The following ATRNL1 variants were observed in gnomAD, a reference collection of about 807,000 sequenced individuals.
ATRNL1 encodes the protein attractin-like protein 1.
In ATRNL1, 95 loss-of-function variants were observed where a neutral mutation model predicts 182.7. The ratio of observed to expected loss-of-function variants is 0.52; its 90% CI spans 0.44 to 0.62. The LOEUF is 0.62. Among genes scored for constraint, ATRNL1 ranks in the 20% least tolerant of loss-of-function variants. The pLI is 0.00. For missense variants in ATRNL1, 1,471 were observed against 1,679.5 expected, an observed-to-expected ratio of 0.88 and a Z score of 2.17; for synonymous variants, 576 against 568.3, an observed-to-expected ratio of 1.01 and a Z score of -0.19.
chr10:115,447,777 A>C (rs190014824), intron 21 of ATRNL1, among the ~76,000 whole-genome samples: 2 of 152,012 alleles, frequency 1.3e-5, no homozygotes, highest in East Asian at 3.9e-4. Flanking sequence ...GTTCTTTGAG[A>C]TATACAAGTA....
chr10:115,216,736 T>C (rs918147733), intron 9 of ATRNL1, among the ~76,000 whole-genome samples: 9 of 151,982 alleles, frequency 5.9e-5, no homozygotes. Context: ...AGCATTAAGT[T>C]ACTTTATGTG....
At chr10:115,641,909 A>C (rs1859269555) in intron 26 of ATRNL1, among the ~76,000 whole-genome samples, 1 of 151,934 alleles carries the variant, frequency 6.6e-6, no homozygotes, top group African/African-American at 2.4e-5. Context: ...ATCTGATTTC[A>C]TCGTGATTAT....
At chr10:115,292,374 A>T (rs1232927979) in intron 15 of ATRNL1, among the ~76,000 whole-genome samples, 4 of 150,810 alleles carry the variant, frequency 2.7e-5, no homozygotes, top group African/African-American at 9.7e-5. Flanking sequence ...GATTGCCATG[A>T]TCTTTATTTT....
intron 19 of ATRNL1, among the ~76,000 whole-genome samples, chr10:115,367,639 T>C (rs1002684134): frequency 2.7e-5 from 4 of 148,190 alleles, no homozygotes; most frequent in African/African-American, 9.8e-5. Context: ...TTTTTCCCCA[T>C]CTTTGTGGTT....
At chr10:115,291,913 G>A (rs1852932256) in intron 15 of ATRNL1, among the ~76,000 whole-genome samples, 1 of 146,310 alleles carries the variant, frequency 6.8e-6, no homozygotes, top group African/African-American at 2.5e-5. Context: ...TCAGTTCTTT[G>A]AAATAATTTG....
At chr10:115,567,754 G>C in intron 26 of ATRNL1, among the ~76,000 whole-genome samples, 1 of 152,040 alleles carries the variant, frequency 6.6e-6, no homozygotes, top group East Asian at 1.9e-4. Flanking sequence ...CTGCTCATTA[G>C]TGAACAACTA....
At chr10:115,624,745 A>G (rs140042581) in intron 26 of ATRNL1, among the ~76,000 whole-genome samples, 78 of 152,322 alleles carry the variant, frequency 5.1e-4, no homozygotes, top group African/African-American at 1.7e-3. Flanking sequence ...ACACTACTGT[A>G]TGGAGTATAC....
intron 3 of ATRNL1, 47 bp downstream of exon 3, chr10:115,121,859 G>T: frequency 1.1e-6 from 1 of 888,620 alleles, no homozygotes. Context: ...CTGTGTAATT[G>T]CTTCTTTAAA....
chr10:115,544,592 A>G (rs1852540898), intron 25 of ATRNL1, among the ~76,000 whole-genome samples: 1 of 152,158 alleles, frequency 6.6e-6, no homozygotes, highest in Non-Finnish European at 1.5e-5. Context: ...AGGAGAACTC[A>G]CTCACTATTG....
At chr10:115,560,158 CA>C (rs782629837) in intron 26 of ATRNL1, among the ~76,000 whole-genome samples, 2 of 152,068 alleles carry the variant, frequency 1.3e-5, no homozygotes, top group Non-Finnish European at 2.9e-5. Flanking sequence ...ATAAAATACA[CA>C]GGAACAAACT....
chr10:115,172,290 T>A (rs1452300156), intron 8 of ATRNL1, among the ~76,000 whole-genome samples: 1 of 151,964 alleles, frequency 6.6e-6, no homozygotes, highest in Non-Finnish European at 1.5e-5. Flanking sequence ...TCCTTTAAAT[T>A]GCCTGGCTTT....
rs577464917 is a variant in ATRNL1 at position 115,599,167 on chromosome 10, C to G, written c.3795+49631C>G. The stretch of plus-strand genomic sequence containing the variant: ...GGAAAGCTATCAGGCTCACAGTGTA[C>G]TATAAAATTTTTCCCAAACTATGAT... On this transcript the variant is annotated intron_variant, in intron 26 of 28. Coordinates refer to ENST00000355044, the MANE Select transcript of ATRNL1 (RefSeq NM_207303.4). Among the ~76,000 whole-genome samples, 72 of 152,266 alleles carry G rather than the reference C, an allele frequency of 4.7e-4. 1 individual carries two copies. Among genetic ancestry groups the G allele is most frequent in the Admixed American group, 1.1e-3 (17 of 15,288 alleles).
At chr10:115,482,678 A>T (rs992392516) in intron 24 of ATRNL1, among the ~76,000 whole-genome samples, 3 of 151,288 alleles carry the variant, frequency 2.0e-5, no homozygotes, top group Admixed American at 6.6e-5. Context: ...ATAAAGTTTG[A>T]ATCAGTCCCA....
At chr10:115,829,781 G>A (rs1282803675) in intron 27 of ATRNL1, among the ~76,000 whole-genome samples, 3 of 152,116 alleles carry the variant, frequency 2.0e-5, no homozygotes, top group Non-Finnish European at 4.4e-5. Context: ...GATGGCCCTA[G>A]AAGATGTACT....
chr10:115,691,813 T>G (rs547837763), intron 26 of ATRNL1, among the ~76,000 whole-genome samples: 1 of 152,326 alleles, frequency 6.6e-6, no homozygotes, highest in South Asian at 2.1e-4. Context: ...ATTTTTAAAT[T>G]TTATTGTTTT....
chr10:115,518,913 T>C (rs1850773614), intron 24 of ATRNL1, among the ~76,000 whole-genome samples: 1 of 151,968 alleles, frequency 6.6e-6, no homozygotes, highest in African/African-American at 2.4e-5. Context: ...TGAAGTTATA[T>C]AGGGAGAAAA....
chr10:115,626,524 C>CAGAAAAT (rs1858111582), intron 26 of ATRNL1, among the ~76,000 whole-genome samples: 1 of 152,076 alleles, frequency 6.6e-6, no homozygotes, highest in South Asian at 2.1e-4. Context: ...TAAGTTAATA[C>CAGAAAAT]CATAGATTTT....
At chr10:115,503,182 T>TA in intron 24 of ATRNL1, among the ~76,000 whole-genome samples, 1 of 151,428 alleles carries the variant, frequency 6.6e-6, no homozygotes, top group East Asian at 1.9e-4. Context: ...TAACCTTAAT[T>TA]AAAAAAATTA....
chr10:115,635,095 A>G lies in ATRNL1; in HGVS notation c.3795+85559A>G, dbSNP rs74161616. 1.7e-3 allele frequency among the ~76,000 whole-genome samples: 258 copies of G among 152,260 alleles called. 1 individual carries two copies. The highest frequency in any genetic ancestry group is 5.9e-3 in the African/African-American group (247 of 41,568). ...CCTTGGAGTAGGCAAAGTTTTCTAA[A>G]TGAGACTTTTCAAATCATTAATCAT... On this transcript the variant is annotated intron_variant, in intron 26 of 28. Coordinates refer to ENST00000355044, the MANE Select transcript of ATRNL1 (RefSeq NM_207303.4).
Sources: gnomAD v4.1 joint callset for allele counts (sites outside exome capture counted in the v4.1 genomes callset) on GRCh38, gnomAD v4.1.1 for gene constraint, MANE v1.5 for transcripts, NCBI Gene and HGNC (gene_info 2026-07-23, HGNC 2026-07-21) for gene names.